Variants in ASTN2 observed in about 807,000 individuals in gnomAD.
ASTN2 encodes the protein astrotactin-2.
A neutral mutation model predicts 139.8 loss-of-function variants in ASTN2; 54 were observed. The ratio of observed to expected loss-of-function variants is 0.39; its 90% CI spans 0.31 to 0.48. The LOEUF is 0.48. ASTN2 is among the 20% of genes least tolerant of loss of function. The pLI is 0.95. For synonymous variants in ASTN2, 756 were observed against 719.5 expected (o/e 1.05, Z -0.81); for missense variants, 1,565 against 1,725.1 (o/e 0.91, Z 1.64).
intron 17 of ASTN2, among the ~76,000 whole-genome samples, chr9:116,639,359 GA>G (rs1857220561): frequency 6.6e-6 from 1 of 152,200 alleles, no homozygotes; most frequent in Admixed American, 6.5e-5. Context: ...GCACTGCACA[GA>G]CTGACCATCT....
chr9:116,560,258 C>T (rs780937694), intron 19 of ASTN2, among the ~76,000 whole-genome samples: 25 of 152,196 alleles, frequency 1.6e-4, no homozygotes, highest in Non-Finnish European at 2.9e-4. Context: ...AGTAAAATCT[C>T]ATTACATCAC....
chr9:116,573,496 GAT>G (rs1853604745), intron 19 of ASTN2, among the ~76,000 whole-genome samples: 2 of 152,130 alleles, frequency 1.3e-5, no homozygotes, highest in African/African-American at 2.4e-5. Context: ...TTTCACAAAA[GAT>G]ATGAATAATG....
intron 11 of ASTN2, among the ~76,000 whole-genome samples, chr9:116,824,469 G>A (rs890003572): frequency 3.9e-5 from 6 of 152,184 alleles, no homozygotes; most frequent in African/African-American, 1.2e-4. Context: ...TGGCAAGGAA[G>A]TAACACCTCT....
chr9:116,714,463 T>C (rs1272946452), intron 16 of ASTN2, among the ~76,000 whole-genome samples: 1 of 152,210 alleles, frequency 6.6e-6, no homozygotes. Flanking sequence ...ATGATGATCA[T>C]AATAGCATTT....
Position 117,414,949 on chromosome 9 carries a change from G to T in ASTN2, c.-11C>A. 1 of 273,644 alleles carries T rather than the reference G, an allele frequency of 3.7e-6. No individual in the cohort carries two copies. Among genetic ancestry groups the T allele is most frequent in the Non-Finnish European group, 6.0e-6 (1 of 166,900 alleles). 17.0% of individuals were successfully genotyped at this position (273,644 alleles called of 1,614,324 possible). A position where few individuals can be genotyped will look rare whatever the true frequency, so the allele number is the denominator to read the frequency against. On this transcript the variant is annotated 5_prime_UTR_variant, in exon 1 of 23. Transcript: ENST00000313400. This position sits in a 1 kb window ranked among gnomAD's most constrained non-coding sequence, Gnocchi z 4.2. ...GCCGGCGGCGGCCATGGCGGGAGGGGCTGCGGTGCTGCGGGCGGCGGCGGC... is the reference window on the plus strand; with the variant it reads ...GCCGGCGGCGGCCATGGCGGGAGGGTCTGCGGTGCTGCGGGCGGCGGCGGC...
chr9:117,012,200 A>G (rs564934079), intron 6 of ASTN2, among the ~76,000 whole-genome samples: 1 of 152,248 alleles, frequency 6.6e-6, no homozygotes, highest in African/African-American at 2.4e-5. Context: ...TCACAGTTTA[A>G]TTTTTCCATC....
intron 10 of ASTN2, among the ~76,000 whole-genome samples, chr9:116,904,189 C>G (rs1834095803): frequency 6.6e-6 from 1 of 152,102 alleles, no homozygotes; most frequent in African/African-American, 2.4e-5. Context: ...TAAGGCCTAC[C>G]ACAGGGCCTG....
At chr9:116,851,107 TG>T (rs1832586642) in intron 11 of ASTN2, among the ~76,000 whole-genome samples, 1 of 152,226 alleles carries the variant, frequency 6.6e-6, no homozygotes, top group African/African-American at 2.4e-5. Flanking sequence ...AACCAGTTTT[TG>T]CTTCAACCAA....
intron 4 of ASTN2, among the ~76,000 whole-genome samples, chr9:117,127,319 T>G (rs1829713643): frequency 6.6e-6 from 1 of 152,352 alleles, no homozygotes; most frequent in Admixed American, 6.5e-5. Context: ...CTCACCAGCG[T>G]TTCTCGGCTA....
At chr9:116,902,715 G>C (rs1386122364) in intron 10 of ASTN2, among the ~76,000 whole-genome samples, 5 of 152,004 alleles carry the variant, frequency 3.3e-5, no homozygotes, top group Non-Finnish European at 7.4e-5. Context: ...TATCCTTTTG[G>C]TTCTGCTTTT....
At chr9:116,544,561 T>C (rs1300184983) in intron 19 of ASTN2, among the ~76,000 whole-genome samples, 1 of 152,212 alleles carries the variant, frequency 6.6e-6, no homozygotes, top group Non-Finnish European at 1.5e-5. Flanking sequence ...AGATGTCACG[T>C]GCTTTTGACA....
intron 10 of ASTN2, among the ~76,000 whole-genome samples, chr9:116,963,620 T>C (rs946619550): frequency 1.1e-4 from 16 of 152,134 alleles, no homozygotes; most frequent in Admixed American, 1.3e-4. Flanking sequence ...TCCACGACGA[T>C]AGAGAGGCAT....
intron 16 of ASTN2, among the ~76,000 whole-genome samples, chr9:116,669,830 G>A (rs1859084545): frequency 6.8e-6 from 1 of 146,150 alleles, no homozygotes; most frequent in South Asian, 2.1e-4. Flanking sequence ...TTTTGAGACA[G>A]AGTCTTGCTC....
At chr9:116,511,590 C>T (rs996107556) in intron 19 of ASTN2, among the ~76,000 whole-genome samples, 4 of 152,264 alleles carry the variant, frequency 2.6e-5, no homozygotes, top group African/African-American at 7.2e-5. Flanking sequence ...ACGAGCTCTG[C>T]CTTGTACCTC....
chr9:116,993,852 T>TTATATATA (rs1468663808), intron 7 of ASTN2, among the ~76,000 whole-genome samples: 49 of 26,682 alleles, frequency 1.8e-3, no homozygotes, highest in East Asian at 4.8e-3. Flanking sequence ...AGTATGTACA[T>TTATATATA]GATATATATA....
intron 10 of ASTN2, among the ~76,000 whole-genome samples, chr9:116,943,550 T>C (rs1268286661): frequency 1.3e-5 from 2 of 152,176 alleles, no homozygotes; most frequent in East Asian, 1.9e-4. Flanking sequence ...TTATTGTATG[T>C]ACATTATATC....
At chr9:117,348,340 G>A (rs950379519) in intron 1 of ASTN2, among the ~76,000 whole-genome samples, 8 of 152,112 alleles carry the variant, frequency 5.3e-5, no homozygotes, top group African/African-American at 9.7e-5. Flanking sequence ...TAACTCTACC[G>A]ATACTCATTT....
At chr9:116,565,351 T>TTCTCTCTCTCTCTC (rs772428232) in intron 19 of ASTN2, among the ~76,000 whole-genome samples, 11 of 36,008 alleles carry the variant, frequency 3.1e-4, no homozygotes, top group African/African-American at 1.3e-3. Context: ...AAGACACTGT[T>TTCTCTCTCTCTCTC]TCTCTCTCTC....
intron 13 of ASTN2, among the ~76,000 whole-genome samples, chr9:116,789,555 T>C (rs960536030): frequency 3.3e-5 from 5 of 152,218 alleles, no homozygotes; most frequent in African/African-American, 7.2e-5. Flanking sequence ...GAGCTTTCTG[T>C]ATAAATTCAC....
Sources: gnomAD v4.1 joint callset for allele counts (sites outside exome capture counted in the v4.1 genomes callset) on GRCh38, gnomAD v4.1.1 for gene constraint, Gnocchi (gnomAD v3.1) non-coding constraint, MANE v1.5 for transcripts, NCBI Gene and HGNC (gene_info 2026-07-23, HGNC 2026-07-21) for gene names.